Variants in DLGAP1 observed in about 807,000 individuals in gnomAD.
DLGAP1 encodes disks large-associated protein 1.
Under a neutral mutation model 90.8 loss-of-function variants are expected in DLGAP1, and 11 were observed. That is an observed-to-expected ratio of 0.12 (90% confidence interval 0.08 to 0.20). The LOEUF is 0.20. DLGAP1 is among the 10% of genes least tolerant of loss of function. DLGAP1 has a pLI of 1.00. For synonymous variants in DLGAP1, 558 were observed against 540.7 expected (o/e 1.03, Z -0.44); for missense variants, 1,050 against 1,333.8 (o/e 0.79, Z 3.31).
intron 3 of DLGAP1, among the ~76,000 whole-genome samples, chr18:3,920,501 G>A (rs2072246257): frequency 6.6e-6 from 1 of 152,084 alleles, no homozygotes; most frequent in African/African-American, 2.4e-5. Context: ...GGCATGTTCA[G>A]TTTATGCCCC....
intron 2 of DLGAP1, among the ~76,000 whole-genome samples, chr18:4,100,738 T>A (rs1283676496): frequency 6.6e-6 from 1 of 152,244 alleles, no homozygotes; most frequent in Non-Finnish European, 1.5e-5. Flanking sequence ...CTAAATCTTC[T>A]GGATAACTTG....
intron 1 of DLGAP1, among the ~76,000 whole-genome samples, chr18:4,228,970 TAAAC>T (rs1432644565): frequency 1.3e-5 from 2 of 151,960 alleles, no homozygotes; most frequent in East Asian, 3.8e-4. Context: ...AATTATTTGA[TAAAC>T]AAATTCAATA....
At chr18:3,778,396 G>A (rs1415925050) in intron 5 of DLGAP1, among the ~76,000 whole-genome samples, 2 of 151,862 alleles carry the variant, frequency 1.3e-5, no homozygotes, top group South Asian at 2.1e-4. Context: ...AGCTGAAATT[G>A]TACCATTGCA....
intron 5 of DLGAP1, among the ~76,000 whole-genome samples, chr18:3,763,215 T>A (rs1036230397): frequency 6.6e-6 from 1 of 152,218 alleles, no homozygotes; most frequent in African/African-American, 2.4e-5. Context: ...GTGGAAAGAC[T>A]AGACTGGCTA....
chr18:3,793,131 C>T (rs116678282), intron 5 of DLGAP1, among the ~76,000 whole-genome samples: 5 of 152,306 alleles, frequency 3.3e-5, no homozygotes, highest in African/African-American at 1.2e-4. Flanking sequence ...AGATGAATTG[C>T]TTGCCCTCTC....
intron 3 of DLGAP1, among the ~76,000 whole-genome samples, chr18:3,967,022 G>A (rs1456984237): frequency 1.3e-5 from 2 of 152,178 alleles, no homozygotes; most frequent in African/African-American, 4.8e-5. Flanking sequence ...GAAGCAGAAG[G>A]GAAACCAGGA....
intron 5 of DLGAP1, among the ~76,000 whole-genome samples, chr18:3,749,315 AT>A (rs1028877642): frequency 6.6e-6 from 1 of 151,240 alleles, no homozygotes; most frequent in Non-Finnish European, 1.5e-5. Flanking sequence ...CACCCAGCTA[AT>A]TTTTTTTGTA....
chr18:3,946,202 A>C (rs1453762658), intron 3 of DLGAP1, among the ~76,000 whole-genome samples: 1 of 152,120 alleles, frequency 6.6e-6, no homozygotes, highest in South Asian at 2.1e-4. Context: ...CTAACATCAA[A>C]TCCTCCTTAC....
chr18:3,590,563 T>G (rs1310347014), intron 7 of DLGAP1, among the ~76,000 whole-genome samples: 1 of 152,078 alleles, frequency 6.6e-6, no homozygotes, highest in Non-Finnish European at 1.5e-5. Context: ...GCTATGAAAA[T>G]TGAGTGTAGG....
At chr18:4,144,949 C>CTCTTTTATTAGAATT (rs1185848746) in intron 2 of DLGAP1, among the ~76,000 whole-genome samples, 1 of 152,226 alleles carries the variant, frequency 6.6e-6, no homozygotes, top group African/African-American at 2.4e-5. Flanking sequence ...TTGTAATAAA[C>CTCTTTTATTAGAATT]TCTATTATAC....
At chr18:4,270,566 G>A (rs2079255080) in intron 1 of DLGAP1, among the ~76,000 whole-genome samples, 1 of 152,038 alleles carries the variant, frequency 6.6e-6, no homozygotes, top group African/African-American at 2.4e-5. Flanking sequence ...AATTTTTAAT[G>A]TTTGGAATAT....
At chr18:4,169,650 TGAA>T (rs1410013753) in intron 1 of DLGAP1, among the ~76,000 whole-genome samples, 3 of 152,256 alleles carry the variant, frequency 2.0e-5, no homozygotes, top group African/African-American at 7.2e-5. Flanking sequence ...CTCAGCTTGC[TGAA>T]GTCCCAGGAG....
intron 1 of DLGAP1, among the ~76,000 whole-genome samples, chr18:4,444,679 G>C (rs1412863760): frequency 2.6e-5 from 4 of 152,150 alleles, no homozygotes; most frequent in African/African-American, 9.7e-5. Context: ...GACTAGACAA[G>C]TAATTTTTAA....
chr18:3,673,826 G>A (rs1378174193), intron 7 of DLGAP1, among the ~76,000 whole-genome samples: 1 of 149,814 alleles, frequency 6.7e-6, no homozygotes, highest in Non-Finnish European at 1.5e-5. Flanking sequence ...GATTACAGGA[G>A]TGAGCCACTG....
chr18:3,704,563 C>T (rs751024740), intron 7 of DLGAP1, among the ~76,000 whole-genome samples: 12 of 151,154 alleles, frequency 7.9e-5, no homozygotes, highest in African/African-American at 2.7e-4. Context: ...GGTGACACAG[C>T]GAGACTCCAT....
intron 2 of DLGAP1, among the ~76,000 whole-genome samples, chr18:4,021,001 C>A (rs902306487): frequency 5.9e-5 from 9 of 152,096 alleles, no homozygotes; most frequent in Non-Finnish European, 1.2e-4. Flanking sequence ...GAATAGTAGA[C>A]CGCAAGAAAA....
intron 3 of DLGAP1, among the ~76,000 whole-genome samples, chr18:3,982,293 T>C (rs544839506): frequency 3.2e-4 from 49 of 152,292 alleles, no homozygotes; most frequent in African/African-American, 8.7e-4. Flanking sequence ...AAAGTCACAC[T>C]GTCTCCACGT....
chr18:4,283,168 T>C (rs4797156), intron 1 of DLGAP1, among the ~76,000 whole-genome samples: 3 of 151,976 alleles, frequency 2.0e-5, no homozygotes, highest in Non-Finnish European at 4.4e-5. Flanking sequence ...AATGTAATAA[T>C]CCCATTGTTC....
chr18:3,779,800 T>G (rs1256491637), intron 5 of DLGAP1, among the ~76,000 whole-genome samples: 2 of 151,808 alleles, frequency 1.3e-5, no homozygotes, highest in African/African-American at 4.8e-5. Context: ...TTTTCTTTTT[T>G]TTTTTGAGAG....
Sources: gnomAD v4.1 joint callset for allele counts (sites outside exome capture counted in the v4.1 genomes callset) on GRCh38, gnomAD v4.1.1 for gene constraint, MANE v1.5 for transcripts, NCBI Gene and HGNC (gene_info 2026-07-23, HGNC 2026-07-21) for gene names.